Variants in P3H2 observed in about 807,000 individuals in gnomAD.
P3H2 encodes leprecan-like 1.
P3H2 carries 80 observed loss-of-function variants against 87.0 expected under a neutral mutation model. The observed-to-expected ratio is 0.92, with a 90% CI of 0.77 to 1.11. The LOEUF (loss-of-function observed/expected upper bound fraction) is 1.11, where lower values mean the gene tolerates loss of function less well. Ranked by LOEUF, P3H2 falls within the 50% of genes least tolerant of loss-of-function variation. P3H2 has a pLI of 0.00. For synonymous variants in P3H2, 367 were observed against 359.3 expected (o/e 1.02, Z -0.24); for missense variants, 1,001 against 923.9 (o/e 1.08, Z -1.08).
chr3:189,973,251 A>G, intron 10 of P3H2: 2 of 536,610 alleles, frequency 3.7e-6, no homozygotes, highest in Non-Finnish European at 6.7e-6. Flanking sequence ...CTTCTCTTCT[A>G]TTATAATATG....
intron 3 of P3H2, among the ~76,000 whole-genome samples, chr3:189,990,305 G>A (rs536475102): frequency 5.3e-5 from 8 of 152,042 alleles, no homozygotes; most frequent in Admixed American, 2.0e-4. Context: ...TATTTGATTA[G>A]CATGTTAGAA....
chr3:190,010,100 T>C (rs1724539153), intron 1 of P3H2, among the ~76,000 whole-genome samples: 2 of 152,220 alleles, frequency 1.3e-5, no homozygotes, highest in Admixed American at 1.3e-4. Context: ...GAGAAGATGG[T>C]GAGTATATGC....
At position 190,073,845 on chromosome 3, in the gene P3H2, A is replaced by G. The variant is rs574839363; in HGVS notation, c.480+46407T>C. Among the ~76,000 whole-genome samples the G allele has an allele frequency of 1.1e-4, 17 of 152,320 alleles. No individual in the cohort carries two copies. The South Asian group carries it at 1.9e-3, about 17-fold the overall frequency. On this transcript the variant is annotated intron_variant, in intron 1 of 14. Coordinates refer to ENST00000319332, the MANE Select transcript of P3H2 (RefSeq NM_018192.4). The stretch of plus-strand genomic sequence containing the variant: ...GCCATACCTCAAATGAGCTACAAAT[A>G]AGGCTGTTTGGAGAATTATGTCTGC...
chr3:190,062,799 A>G (rs1471855864), intron 1 of P3H2, among the ~76,000 whole-genome samples: 2 of 152,066 alleles, frequency 1.3e-5, no homozygotes, highest in Admixed American at 6.6e-5. Context: ...CACTGATTCA[A>G]TCTTACATTT....
chr3:190,063,213 T>A (rs1726387826), intron 1 of P3H2, among the ~76,000 whole-genome samples: 1 of 152,160 alleles, frequency 6.6e-6, no homozygotes, highest in Non-Finnish European at 1.5e-5. Flanking sequence ...AAGCTGCTTC[T>A]AGTTAGTTAG....
At position 190,120,297 on chromosome 3, in the gene P3H2, G is replaced by T; in HGVS notation, c.435C>A (p.Phe145Leu). Residue 145 changes from phenylalanine (F) to leucine (L), a missense_variant, in exon 1 of 15, where the codon TTC (phenylalanine) becomes TTA (leucine). By Grantham distance (22) the Phe-to-Leu change is conservative. Transcript: ENST00000319332. ...GGTAGTTGTAGGGCACTCTGCGCTGGAAGTCGCTGCGCACATCCTCGCTGA... is the reference window on the plus strand; with the variant it reads ...GGTAGTTGTAGGGCACTCTGCGCTGTAAGTCGCTGCGCACATCCTCGCTGA... ...HRVSEDVRSD[F>L]QRRVPYNYLQ... is the part of the protein sequence containing the mutation. 1 of 1,609,940 alleles carries T rather than the reference G, an allele frequency of 6.2e-7. No individual in the cohort carries two copies.
At chr3:190,046,112 G>A (rs1335248243) in intron 1 of P3H2, among the ~76,000 whole-genome samples, 3 of 124,008 alleles carry the variant, frequency 2.4e-5, no homozygotes, top group Non-Finnish European at 4.8e-5. Flanking sequence ...GACAGAGCAA[G>A]ACTCCATCTC....
At chr3:190,107,624 A>G (rs1039204262) in intron 1 of P3H2, among the ~76,000 whole-genome samples, 3 of 152,244 alleles carry the variant, frequency 2.0e-5, no homozygotes, top group African/African-American at 7.2e-5. Context: ...AGCTTCACCT[A>G]GAATTTCAAA....
intron 1 of P3H2, among the ~76,000 whole-genome samples, chr3:190,114,284 C>T (rs540429302): frequency 7.1e-4 from 107 of 149,906 alleles, no homozygotes; most frequent in African/African-American, 2.5e-3. Context: ...CCCGGGTTCA[C>T]GCCATTCTCC....
intron 1 of P3H2, among the ~76,000 whole-genome samples, chr3:190,013,575 C>T (rs1024461684): frequency 6.6e-6 from 1 of 152,112 alleles, no homozygotes. Context: ...AAGGGTGAGA[C>T]ATGTAAGAAG....
intron 1 of P3H2, among the ~76,000 whole-genome samples, chr3:190,047,677 G>C (rs905581381): frequency 6.6e-6 from 1 of 152,174 alleles, no homozygotes; most frequent in Non-Finnish European, 1.5e-5. Context: ...GCCAGGCTCA[G>C]AAAGACAAAT....
intron 1 of P3H2, among the ~76,000 whole-genome samples, chr3:190,044,138 A>G (rs2108956588): frequency 6.6e-6 from 1 of 152,298 alleles, no homozygotes; most frequent in East Asian, 1.9e-4. Flanking sequence ...TAAAATAAAA[A>G]CAAAACAAAA....
intron 1 of P3H2, among the ~76,000 whole-genome samples, chr3:190,008,659 CT>C (rs1320125011): frequency 6.6e-5 from 10 of 152,182 alleles, no homozygotes; most frequent in African/African-American, 2.4e-4. Flanking sequence ...AAGACTGCCA[CT>C]ATGCACTTCC....
At chr3:189,959,321 T>A (rs556553835) in intron 14 of P3H2, among the ~76,000 whole-genome samples, 2 of 151,710 alleles carry the variant, frequency 1.3e-5, no homozygotes, top group African/African-American at 4.8e-5. Flanking sequence ...TAGTTACATA[T>A]GTATACATGT....
At chr3:190,097,857 G>A (rs1727635728) in intron 1 of P3H2, among the ~76,000 whole-genome samples, 1 of 152,024 alleles carries the variant, frequency 6.6e-6, no homozygotes, top group Non-Finnish European at 1.5e-5. Context: ...GAGGTCAGAG[G>A]CCTTAAACCT....
In P3H2 at chr3:190,096,576, C is replaced by T. The variant is rs935690289; in HGVS notation, c.480+23676G>A. Among the ~76,000 whole-genome samples the T allele has an allele frequency of 2.0e-5, 3 of 152,266 alleles. No homozygotes were observed. In the East Asian group the frequency reaches 5.8e-4, roughly 29 times the overall value. ...ATAGCAGTGTGAAAATGAACTAATA[C>T]ATTCAGAACGCTTAAGAAAGAAAGA... On this transcript the variant is annotated intron_variant, in intron 1 of 14. Transcript: ENST00000319332.
chr3:190,068,911 G>A (rs893252520), intron 1 of P3H2, among the ~76,000 whole-genome samples: 5 of 152,018 alleles, frequency 3.3e-5, no homozygotes, highest in African/African-American at 9.7e-5. Context: ...ATACAAAAAA[G>A]AGAACAATCA....
intron 1 of P3H2, among the ~76,000 whole-genome samples, chr3:190,056,263 T>C (rs1386300612): frequency 6.6e-6 from 1 of 152,152 alleles, no homozygotes; most frequent in Non-Finnish European, 1.5e-5. Flanking sequence ...GTTGTTCAAG[T>C]CATCCAGACT....
chr3:190,076,065 T>C (rs1726866963), intron 1 of P3H2, among the ~76,000 whole-genome samples: 1 of 152,078 alleles, frequency 6.6e-6, no homozygotes, highest in Admixed American at 6.6e-5. Flanking sequence ...TTCGTCTATT[T>C]AGTTCATATA....
Sources: allele counts gnomAD v4.1 joint callset (sites outside exome capture counted in the v4.1 genomes callset), GRCh38; gene constraint gnomAD v4.1.1; transcripts MANE v1.5; gene names NCBI Gene and HGNC (gene_info 2026-07-23, HGNC 2026-07-21).